Variants in RGP1 observed in about 807,000 individuals in gnomAD.
RGP1 encodes RGP1 partner of RAB6A GEF complex.
Under a neutral mutation model 44.5 loss-of-function variants are expected in RGP1, and 28 were observed. The observed-to-expected ratio is 0.63, with a 90% CI of 0.47 to 0.86. The LOEUF (loss-of-function observed/expected upper bound fraction) is 0.86, where lower values mean the gene tolerates loss of function less well. RGP1 is among the 40% of genes least tolerant of loss of function. The pLI is 0.00. For missense variants in RGP1, 417 were observed against 490.7 expected, an observed-to-expected ratio of 0.85 and a Z score of 1.42; for synonymous variants, 212 against 196.7, an observed-to-expected ratio of 1.08 and a Z score of -0.65.
chr9:35,770,536 A>C, the RGP1 span, among the ~76,000 whole-genome samples: 1 of 120,126 alleles, frequency 8.3e-6, no homozygotes, highest in Non-Finnish European at 1.8e-5. Context: ...AGAGAGAGAG[A>C]GAGTTGAGTG....
rs1364822666 is a variant in RGP1 at position 35,749,601 on chromosome 9, C to T, written c.-19-136C>T. 1 of 681,574 alleles carries T rather than the reference C, an allele frequency of 1.5e-6. No homozygotes were observed. The highest frequency in any genetic ancestry group is 2.8e-5 in the East Asian group (1 of 35,820). The allele number at this position is 681,574 out of a possible 1,614,324, so 42.2% of individuals were successfully genotyped here. ...CAGTCGCCTCCCTCCCACCCGCCTA[C>T]CCCTCCTATATCCAGGAGCTCCCTC... On this transcript the variant is annotated intron_variant, in intron 1 of 8. Transcript: ENST00000378078. The surrounding 1 kb of genome is among the most constrained non-coding windows in gnomAD (Gnocchi z 4.4).
Position 35,750,642 on chromosome 9 carries a change from T to C in RGP1, c.254-16T>C, listed in dbSNP as rs1827236894. ...GGACAATGGGTCATTAAATTAGTCATTTTTACCTTTTTCAGGTGAGAGGGG... is the reference window on the plus strand; with the variant it reads ...GGACAATGGGTCATTAAATTAGTCACTTTTACCTTTTTCAGGTGAGAGGGG... On this transcript the variant is annotated splice_polypyrimidine_tract_variant and intron_variant, in intron 3 of 8. Transcript: ENST00000378078. 2 of 1,613,238 alleles carry C rather than the reference T, an allele frequency of 1.2e-6. No individual in the cohort carries two copies. The highest frequency in any genetic ancestry group is 3.3e-5 in the Admixed American group (2 of 59,998).
At chr9:35,776,543 TC>T in the RGP1 span, among the ~76,000 whole-genome samples, 1 of 151,966 alleles carries the variant, frequency 6.6e-6, no homozygotes, top group African/African-American at 2.4e-5. Flanking sequence ...TCCCTCGGCC[TC>T]CCAAATTGTT....
intron 8 of RGP1, 124 bp downstream of exon 8, chr9:35,752,269 C>A: frequency 1.0e-6 from 1 of 978,170 alleles, no homozygotes; most frequent in Non-Finnish European, 1.5e-6. Context: ...AGCCTCTGAC[C>A]CGGAACAGTT....
rs1217639545 is a variant in RGP1 at position 35,756,765 on chromosome 9, G to A, written c.*3891G>A. On this transcript the variant is annotated 3_prime_UTR_variant, in exon 9 of 9. Coordinates refer to ENST00000378078, the MANE Select transcript of RGP1 (RefSeq NM_001080496.3). Reference sequence around the variant, plus strand: ...TGGGGAGCTGGGGCGCATGAAGGTGGGGGTGATGCCGAAGGGGAAGGGATC... The same window carrying A: ...TGGGGAGCTGGGGCGCATGAAGGTGAGGGTGATGCCGAAGGGGAAGGGATC... The A allele has an allele frequency of 6.6e-6, 1 of 152,594 alleles. No homozygotes were observed. The highest frequency in any genetic ancestry group is 1.5e-5 in the Non-Finnish European group (1 of 68,260). 9.5% of individuals were successfully genotyped at this position (152,594 alleles called of 1,614,324 possible).
chr9:35,749,653 T>TCCTCAGC lies in RGP1; in HGVS notation c.-19-73_-19-67dup, dbSNP rs1827194751. 4 of 812,326 alleles carry TCCTCAGC rather than the reference T, an allele frequency of 4.9e-6. No individual in the cohort carries two copies. The highest frequency in any genetic ancestry group is 1.4e-5 in the South Asian group (1 of 69,252). The allele number at this position is 812,326 out of a possible 1,614,324, so 50.3% of individuals were successfully genotyped here. A position where few individuals can be genotyped will look rare whatever the true frequency, so the allele number is the denominator to read the frequency against. ...GGCACCACGGTGCTGACCACCCCTG[T>TCCTCAGC]CCTCAGCCCTCAGCCCTAGGTGCTC... On this transcript the variant is annotated intron_variant, in intron 1 of 8. Transcript: ENST00000378078. The surrounding 1 kb of genome is among the most constrained non-coding windows in gnomAD (Gnocchi z 4.4).
chr9:35,777,654 CTCT>C, the RGP1 span, among the ~76,000 whole-genome samples: 95 of 152,220 alleles, frequency 6.2e-4, no homozygotes, highest in African/African-American at 2.0e-3. Context: ...CTAGTTCTAA[CTCT>C]TCTTCTTCAG....
In RGP1 at chr9:35,749,490, G is replaced by A. The variant is rs987821326; in HGVS notation, c.-20+82G>A. ...GGAGGCCAGTTTGGGAACTCCGCGG[G>A]GGTGCCCAGGGAGAAGAACCCGTCG... On this transcript the variant is annotated intron_variant, in intron 1 of 8. Transcript: ENST00000378078. The surrounding 1 kb of genome is among the most constrained non-coding windows in gnomAD (Gnocchi z 4.4). 1.5e-6 allele frequency: 1 copy of A among 654,616 alleles called. No homozygotes were observed. The highest frequency in any genetic ancestry group is 1.8e-5 in the African/African-American group (1 of 56,080). The allele number at this position is 654,616 out of a possible 1,614,324, so 40.6% of individuals were successfully genotyped here.
In RGP1 at chr9:35,752,030, C is replaced by T. The variant is rs1326653425; in HGVS notation, c.837C>T (p.Pro279=). ...GGCGACGTGGGGCAGGGGGTGTCCC[C>T]TCTGTGTCACATGTGACTCACGCCC... ...YQRRRGAGGV[P]SVSHVTHARH... Residue 279 remains proline, a synonymous_variant, in exon 8 of 9, where the codon CCC becomes CCT. Coordinates refer to ENST00000378078, the MANE Select transcript of RGP1 (RefSeq NM_001080496.3). 6.2e-7 allele frequency: 1 copy of T among 1,610,960 alleles called. No homozygotes were observed. Among genetic ancestry groups the T allele is most frequent in the South Asian group, 1.1e-5 (1 of 90,646 alleles).
At chr9:35,762,940 G>A (rs956882892), downstream of RGP1, among the ~76,000 whole-genome samples, 3 of 147,504 alleles carry the variant, frequency 2.0e-5, no homozygotes, top group African/African-American at 7.3e-5. Context: ...TACGGAAGAA[G>A]TGTCTTGCCA....
chr9:35,763,772 C>T, the RGP1 span, among the ~76,000 whole-genome samples: 1 of 146,644 alleles, frequency 6.8e-6, no homozygotes, highest in Non-Finnish European at 1.5e-5. Context: ...ATCCTAGCTG[C>T]TTGGGAGGCT....
rs780461857 is a variant in RGP1, at chr9:35,751,667, G to A, written c.675G>A (p.Thr225=). 7 of 1,613,884 alleles carry A rather than the reference G, an allele frequency of 4.3e-6. No individual in the cohort carries two copies. Among genetic ancestry groups the A allele is most frequent in the African/African-American group, 1.3e-5 (1 of 74,928 alleles). Residue 225 remains threonine (T), a synonymous_variant, in exon 7 of 9, where the codon ACG becomes ACA. Transcript: ENST00000378078. ...GTGATGGCCGAGGGAAAGTTGGGAC[G>A]TTTGGCATCTTCAAATCTGTGTACA... ...NISDGRGKVG[T]FGIFKSVYRL...
At chr9:35,767,283 GTTTTTT>G in the RGP1 span, among the ~76,000 whole-genome samples, 2 of 108,432 alleles carry the variant, frequency 1.8e-5, no homozygotes, top group African/African-American at 6.9e-5. Flanking sequence ...AAGCAAATTG[GTTTTTT>G]TTTTTTTTTT....
chr9:35,766,383 C>A, the RGP1 span, among the ~76,000 whole-genome samples: 27 of 151,996 alleles, frequency 1.8e-4, no homozygotes, highest in African/African-American at 6.5e-4. Context: ...GATACAAGTC[C>A]TTTGTGAGTA....
At chr9:35,777,911 G>T in the RGP1 span, among the ~76,000 whole-genome samples, 1 of 152,062 alleles carries the variant, frequency 6.6e-6, no homozygotes, top group African/African-American at 2.4e-5. Context: ...CCATATCAAT[G>T]ACATATTTTT....
At chr9:35,776,164 T>C in the RGP1 span, among the ~76,000 whole-genome samples, 1 of 152,196 alleles carries the variant, frequency 6.6e-6, no homozygotes, top group Non-Finnish European at 1.5e-5. Context: ...GGCATCAAAT[T>C]ACTCCTCTGT....
chr9:35,770,059 C>G, the RGP1 span, among the ~76,000 whole-genome samples: 7 of 152,186 alleles, frequency 4.6e-5, no homozygotes, highest in South Asian at 1.5e-3. Flanking sequence ...TGGATCAACA[C>G]TAGATGCTGG....
chr9:35,777,215 C>T, the RGP1 span, among the ~76,000 whole-genome samples: 11 of 147,616 alleles, frequency 7.5e-5, no homozygotes, highest in Non-Finnish European at 1.2e-4. Context: ...CTGCAAGCTC[C>T]GCCTCCCAGG....
the RGP1 span, among the ~76,000 whole-genome samples, chr9:35,789,485 A>G: frequency 2.3e-4 from 35 of 152,022 alleles, no homozygotes; most frequent in African/African-American, 8.2e-4. Context: ...TTTTTAATAG[A>G]GATTATAGGC....
Sources: gnomAD v4.1 joint callset for allele counts (sites outside exome capture counted in the v4.1 genomes callset) on GRCh38, gnomAD v4.1.1 for gene constraint, Gnocchi (gnomAD v3.1) non-coding constraint, MANE v1.5 for transcripts, NCBI Gene and HGNC (gene_info 2026-07-23, HGNC 2026-07-21) for gene names.